Variants in ANKRD42 observed in about 807,000 individuals in gnomAD.
ANKRD42 encodes ankyrin repeat domain 42.
A neutral mutation model predicts 51.5 loss-of-function variants in ANKRD42; 43 were observed. That is an observed-to-expected ratio of 0.83 (90% CI 0.65 to 1.08). The LOEUF is 1.08. ANKRD42 is among the 50% of genes least tolerant of loss of function. The pLI, the probability that ANKRD42 is intolerant of heterozygous loss-of-function variation, is 0.00. For synonymous variants in ANKRD42, 203 were observed against 213.0 expected (o/e 0.95, Z 0.41); for missense variants, 608 against 629.3 (o/e 0.97, Z 0.36).
At chr11:83,201,773 T>C (rs1274508908) in intron 2 of ANKRD42, among the ~76,000 whole-genome samples, 1 of 152,242 alleles carries the variant, frequency 6.6e-6, no homozygotes, top group African/African-American at 2.4e-5. Flanking sequence ...TTTTTTCATA[T>C]GTTTGTTGGC....
chr11:83,234,219 A>G (rs542364208), intron 7 of ANKRD42, among the ~76,000 whole-genome samples: 11 of 152,264 alleles, frequency 7.2e-5, no homozygotes, highest in East Asian at 1.9e-4. Context: ...ATATGTTTCT[A>G]CTGTACTAAA....
chr11:83,225,289 G>A (rs1453954078), intron 6 of ANKRD42, among the ~76,000 whole-genome samples: 1 of 152,172 alleles, frequency 6.6e-6, no homozygotes, highest in African/African-American at 2.4e-5. Context: ...TGTAGAGGTT[G>A]GTTGCAGTGG....
chr11:83,214,294 ATC>A, intron 5 of ANKRD42: 1 of 358,214 alleles, frequency 2.8e-6, no homozygotes, highest in Non-Finnish European at 3.9e-6. Context: ...CCTTTATGTT[ATC>A]TGTTAGAAAT....
intron 7 of ANKRD42, among the ~76,000 whole-genome samples, chr11:83,228,682 G>C (rs1346029437): frequency 6.6e-6 from 1 of 152,144 alleles, no homozygotes; most frequent in Non-Finnish European, 1.5e-5. Flanking sequence ...AGCTTACTTT[G>C]TTTAATCCAT....
downstream of ANKRD42, chr11:83,260,858 A>G (rs989102158): frequency 1.3e-5 from 2 of 152,180 alleles, no homozygotes; most frequent in Non-Finnish European, 2.9e-5. Flanking sequence ...AAATTTTCCT[A>G]TGAGTTTCTT....
chr11:83,225,916 T>C (rs1862868125), intron 6 of ANKRD42, among the ~76,000 whole-genome samples: 2 of 152,192 alleles, frequency 1.3e-5, no homozygotes, highest in South Asian at 4.1e-4. Flanking sequence ...CATTCTGTGG[T>C]TTTATATTTT....
At chr11:83,254,975 T>A (rs1323048298) in intron 11 of ANKRD42, among the ~76,000 whole-genome samples, 1 of 152,190 alleles carries the variant, frequency 6.6e-6, no homozygotes, top group African/African-American at 2.4e-5. Flanking sequence ...AGATGCATGG[T>A]TGTTTTTCCA....
intron 9 of ANKRD42, among the ~76,000 whole-genome samples, chr11:83,243,667 T>G (rs116868912): frequency 2.2e-4 from 34 of 151,898 alleles, no homozygotes; most frequent in South Asian, 6.2e-4. Flanking sequence ...ATGTATTTAT[T>G]TATTTATTTA....
downstream of ANKRD42, chr11:83,259,626 A>AC (rs1338534785): frequency 3.3e-5 from 5 of 152,252 alleles, no homozygotes; most frequent in East Asian, 9.6e-4. Context: ...GGCCTAAAAA[A>AC]CACCTTTATT....
downstream of ANKRD42, chr11:83,260,521 G>C (rs1863880771): frequency 6.6e-6 from 1 of 152,166 alleles, no homozygotes; most frequent in Non-Finnish European, 1.5e-5. Flanking sequence ...TTAGATTTTT[G>C]AGGAAAATAT....
chr11:83,263,645 C>T (rs990901676), downstream of ANKRD42, among the ~76,000 whole-genome samples: 69 of 152,138 alleles, frequency 4.5e-4, no homozygotes, highest in Non-Finnish European at 6.9e-4. Context: ...GTCTGACCCA[C>T]GATGAACCAT....
chr11:83,246,060 G>A (rs942290650), intron 10 of ANKRD42, among the ~76,000 whole-genome samples: 1 of 152,194 alleles, frequency 6.6e-6, no homozygotes, highest in Non-Finnish European at 1.5e-5. Context: ...GGTTGTCTCT[G>A]CCTTTCACTT....
intron 5 of ANKRD42, among the ~76,000 whole-genome samples, chr11:83,216,385 G>A (rs915306911): frequency 2.6e-5 from 4 of 151,104 alleles, no homozygotes; most frequent in African/African-American, 9.7e-5. Context: ...GTGCAGTGGC[G>A]CAATCTCGGC....
At position 83,248,569 on chromosome 11, in the gene ANKRD42, T is replaced by G; in HGVS notation, c.*365T>G. 1 of 991,476 alleles carries G rather than the reference T, an allele frequency of 1.0e-6. No individual in the cohort carries two copies. Among genetic ancestry groups the G allele is most frequent in the Non-Finnish European group, 1.2e-6 (1 of 834,072 alleles). The allele number at this position is 991,476 out of a possible 1,614,324, so 61.4% of individuals were successfully genotyped here. On this transcript the variant is annotated 3_prime_UTR_variant, in exon 11 of 11. Coordinates refer to ENST00000533342, the MANE Select transcript of ANKRD42 (RefSeq NM_001300975.2). The stretch of plus-strand genomic sequence containing the variant: ...TCCATATTTTCTTTCCATAGGGAAG[T>G]TTCTTCATCAATCATCATGGATGAA...
chr11:83,222,893 C>T (rs1862756714), intron 5 of ANKRD42, among the ~76,000 whole-genome samples: 1 of 152,152 alleles, frequency 6.6e-6, no homozygotes, highest in Non-Finnish European at 1.5e-5. Context: ...GCATGTGCCA[C>T]CATGCCCAGC....
At chr11:83,250,389 C>T (rs1863654199), downstream of ANKRD42, among the ~76,000 whole-genome samples, 1 of 152,104 alleles carries the variant, frequency 6.6e-6, no homozygotes, top group African/African-American at 2.4e-5. Context: ...TCATTTTAGT[C>T]TGCATCAACC....
rs1465437369 is a variant in ANKRD42 at position 83,194,311 on chromosome 11, C to T, written c.-360C>T. On this transcript the variant is annotated 5_prime_UTR_variant, in exon 1 of 11. Coordinates refer to ENST00000533342, the MANE Select transcript of ANKRD42 (RefSeq NM_001300975.2). ...CTTCGGGGATAGAGTCAGTGACGATCGCAGTCGCCGCTTCAGTGGCTCCTG... is the reference window on the plus strand; with the variant it reads ...CTTCGGGGATAGAGTCAGTGACGATTGCAGTCGCCGCTTCAGTGGCTCCTG... 1 of 508,752 alleles carries T rather than the reference C, an allele frequency of 2.0e-6. No homozygotes were observed. The highest frequency in any genetic ancestry group is 5.4e-5 in the East Asian group (1 of 18,478). The allele number at this position is 508,752 out of a possible 1,614,324, so 31.5% of individuals were successfully genotyped here.
At chr11:83,256,412 T>C (rs1863775608), downstream of ANKRD42, among the ~76,000 whole-genome samples, 1 of 152,190 alleles carries the variant, frequency 6.6e-6, no homozygotes, top group South Asian at 2.1e-4. Flanking sequence ...AAGAGGCAGA[T>C]TGGACAGGAT....
At chr11:83,247,369 T>C (rs1863575462) in intron 10 of ANKRD42, among the ~76,000 whole-genome samples, 2 of 151,988 alleles carry the variant, frequency 1.3e-5, no homozygotes, top group South Asian at 4.1e-4. Flanking sequence ...GCGCCTGGCC[T>C]CCCTTTTATT....
Sources: gnomAD v4.1 joint callset for allele counts (sites outside exome capture counted in the v4.1 genomes callset) on GRCh38, gnomAD v4.1.1 for gene constraint, MANE v1.5 for transcripts, NCBI Gene and HGNC (gene_info 2026-07-23, HGNC 2026-07-21) for gene names.